Variants in SCAI observed in about 807,000 individuals in gnomAD.
The protein encoded by SCAI is protein SCAI.
Under a neutral mutation model 92.2 loss-of-function variants are expected in SCAI, and 24 were observed. That is an observed-to-expected ratio of 0.26 (90% confidence interval 0.19 to 0.37). The LOEUF (loss-of-function observed/expected upper bound fraction) is 0.37. SCAI is among the 10% of genes least tolerant of loss of function. SCAI has a pLI of 1.00. For missense variants in SCAI, 450 were observed against 736.2 expected (o/e 0.61, Z 4.50); for synonymous variants, 261 against 258.6 (o/e 1.01, Z -0.09).
intron 2 of SCAI, among the ~76,000 whole-genome samples, chr9:125,096,653 T>C (rs1834558701): frequency 6.6e-6 from 1 of 152,160 alleles, no homozygotes; most frequent in African/African-American, 2.4e-5. Flanking sequence ...TTTCTGAAAC[T>C]CTTCTCAGTA....
chr9:125,028,472 G>C lies in SCAI; in HGVS notation c.333C>G (p.Val111=). The C allele has an allele frequency of 6.4e-7, 1 of 1,572,990 alleles. No homozygotes were observed. Among genetic ancestry groups the C allele is most frequent in the Non-Finnish European group, 8.6e-7 (1 of 1,162,268 alleles). The stretch of plus-strand genomic sequence containing the variant: ...GCTTCAAGCCATACCGATTATCCAA[G>C]ACTTGTCTGTTTTATATAGGATACA... ...LWKFQQQHRQ[V]LDNRYGLKRW... Residue 111 remains valine (V), a synonymous_variant, in exon 5 of 18, where the codon GTC becomes GTG. Transcript: ENST00000336505.
rs147593918 is a variant in SCAI, at chr9:125,017,034, T to C, written c.861+1765A>G. 1.8e-4 allele frequency among the ~76,000 whole-genome samples: 28 copies of C among 152,200 alleles called. 1 individual carries two copies. The East Asian group carries it at 5.4e-3, about 29-fold the overall frequency. On this transcript the variant is annotated intron_variant, in intron 9 of 17. Transcript: ENST00000336505. ...AAGGCAAGACAAGAGTAGGAGAAGA[T>C]AGTTCAACACATAAATCTGACAAAG...
chr9:124,990,723 A>G (rs958294429), intron 14 of SCAI, among the ~76,000 whole-genome samples: 3 of 152,200 alleles, frequency 2.0e-5, no homozygotes, highest in African/African-American at 7.2e-5. Flanking sequence ...AAGAAAAAAG[A>G]AAAATGGTGG....
intron 3 of SCAI, among the ~76,000 whole-genome samples, chr9:125,050,112 A>C (rs1833529838): frequency 1.3e-5 from 2 of 152,152 alleles, no homozygotes; most frequent in South Asian, 4.1e-4. Flanking sequence ...CAGTGAAAAA[A>C]ATGCTAGAGG....
intron 2 of SCAI, among the ~76,000 whole-genome samples, chr9:125,140,402 C>T (rs1335781410): frequency 6.6e-6 from 1 of 151,880 alleles, no homozygotes. Flanking sequence ...GTGGCAGGCG[C>T]CTGTAATCCC....
At chr9:125,058,501 C>T (rs1020675998) in intron 2 of SCAI, among the ~76,000 whole-genome samples, 3 of 152,030 alleles carry the variant, frequency 2.0e-5, no homozygotes, top group African/African-American at 7.2e-5. Flanking sequence ...GGCGACAGAA[C>T]GAGACTGCGT....
intron 3 of SCAI, among the ~76,000 whole-genome samples, chr9:125,030,741 T>C (rs1214335129): frequency 6.6e-6 from 1 of 152,146 alleles, no homozygotes; most frequent in Non-Finnish European, 1.5e-5. Flanking sequence ...ATTAATGAAC[T>C]TGTTGATTTA....
intron 14 of SCAI, among the ~76,000 whole-genome samples, chr9:124,989,811 G>A (rs1008266026): frequency 5.3e-5 from 8 of 149,632 alleles, no homozygotes; most frequent in African/African-American, 1.7e-4. Flanking sequence ...TGAACTTGGG[G>A]AGCAGAGGCT....
At chr9:125,136,708 C>T (rs933406722) in intron 2 of SCAI, among the ~76,000 whole-genome samples, 1 of 151,740 alleles carries the variant, frequency 6.6e-6, no homozygotes, top group African/African-American at 2.4e-5. Flanking sequence ...ATCTGCCAGC[C>T]TGGGCCTCCC....
Position 124,946,799 on chromosome 9 carries a change from A to G in SCAI, c.*6008T>C, listed in dbSNP as rs1276350902. 7 of 152,216 alleles carry G rather than the reference A, an allele frequency of 4.6e-5. No individual in the cohort carries two copies. Among genetic ancestry groups the G allele is most frequent in the Admixed American group, 4.6e-4 (7 of 15,282 alleles). 9.4% of individuals were successfully genotyped at this position (152,216 alleles called of 1,614,324 possible). ...AATATATCATCAACTTGCAGAACAC[A>G]AGTGGTCTCATAGAGACACAGCAAT... On this transcript the variant is annotated 3_prime_UTR_variant, in exon 18 of 18. Coordinates refer to ENST00000336505, the MANE Select transcript of SCAI (RefSeq NM_001144877.3). This position sits in a 1 kb window ranked among gnomAD's most constrained non-coding sequence, Gnocchi z 4.0.
chr9:125,081,345 T>C (rs1194415598), intron 2 of SCAI, among the ~76,000 whole-genome samples: 1 of 152,134 alleles, frequency 6.6e-6, no homozygotes, highest in Non-Finnish European at 1.5e-5. Flanking sequence ...ATATGGACAA[T>C]AAAATCCAGG....
chr9:125,076,618 A>G (rs921523129), intron 2 of SCAI, among the ~76,000 whole-genome samples: 1 of 152,194 alleles, frequency 6.6e-6, no homozygotes, highest in Non-Finnish European at 1.5e-5. Context: ...TAATCCCAGC[A>G]CTTTGGGAGG....
chr9:124,994,188 C>T (rs539567455), intron 14 of SCAI, among the ~76,000 whole-genome samples: 3 of 152,094 alleles, frequency 2.0e-5, no homozygotes, highest in Non-Finnish European at 2.9e-5. Flanking sequence ...GCACGCACCA[C>T]CACGCCTGGC....
At chr9:125,009,365 G>A (rs962873915) in intron 9 of SCAI, among the ~76,000 whole-genome samples, 4 of 152,272 alleles carry the variant, frequency 2.6e-5, no homozygotes, top group Admixed American at 1.3e-4. Flanking sequence ...CACCTCCTGG[G>A]TCCAAGCAAT....
intron 2 of SCAI, among the ~76,000 whole-genome samples, chr9:125,098,593 C>T (rs1223103815): frequency 6.6e-6 from 1 of 152,102 alleles, no homozygotes; most frequent in Non-Finnish European, 1.5e-5. Context: ...TTTGGCAGGC[C>T]AATAACCTGT....
chr9:124,979,035 GT>G (rs996499261), intron 14 of SCAI, among the ~76,000 whole-genome samples: 3 of 151,548 alleles, frequency 2.0e-5, no homozygotes, highest in Non-Finnish European at 4.4e-5. Flanking sequence ...TAATTTTTGT[GT>G]TTTTAGTAGA....
intron 2 of SCAI, among the ~76,000 whole-genome samples, chr9:125,131,832 A>G (rs59189080): frequency 0.13 from 20,243 of 152,184 alleles, 1,447 homozygotes; most frequent in East Asian, 0.23. Flanking sequence ...GTTTCAGTGT[A>G]GATTAGAAAA....
chr9:124,971,932 TATATAAAATTAAAGCTATCTCA>T, intron 15 of SCAI, 88 bp from the exon 16 acceptor site: 1 of 621,568 alleles, frequency 1.6e-6, no homozygotes, highest in Non-Finnish European at 2.5e-6. Flanking sequence ...ATACTGATAA[TATATAAAATTAAAGCTATCTCA>T]TTAAATCATA....
intron 17 of SCAI, among the ~76,000 whole-genome samples, chr9:124,959,252 TATA>T (rs1384841151): frequency 1.3e-4 from 16 of 126,070 alleles, no homozygotes; most frequent in African/African-American, 2.1e-4. Context: ...AAACTTAAAG[TATA>T]ATAATAATAA....
Sources: allele counts gnomAD v4.1 joint callset (sites outside exome capture counted in the v4.1 genomes callset), GRCh38; gene constraint gnomAD v4.1.1; non-coding constraint Gnocchi (gnomAD v3.1); transcripts MANE v1.5; gene names NCBI Gene and HGNC (gene_info 2026-07-23, HGNC 2026-07-21).